GRM8: variants seen among roughly 807,000 people sequenced by gnomAD.
The protein encoded by GRM8 is glutamate metabotropic receptor 8.
Under a neutral mutation model 87.2 loss-of-function variants are expected in GRM8, and 47 were observed. The ratio of observed to expected loss-of-function variants is 0.54; its 90% CI spans 0.43 to 0.69. The LOEUF is 0.69. Among genes scored for constraint, GRM8 ranks in the 30% least tolerant of loss-of-function variants. GRM8 has a pLI of 0.00. For synonymous variants in GRM8, 396 were observed against 404.5 expected, an observed-to-expected ratio of 0.98 and a Z score of 0.25; for missense variants, 1,019 against 1,139.2, an observed-to-expected ratio of 0.89 and a Z score of 1.52.
chr7:126,775,865 C>G (rs1253443302), intron 6 of GRM8, among the ~76,000 whole-genome samples: 1 of 152,032 alleles, frequency 6.6e-6, no homozygotes, highest in Non-Finnish European at 1.5e-5. Flanking sequence ...AATGGGGTTC[C>G]TCATCCCTCC....
In GRM8 at chr7:126,732,160, T is replaced by G. The variant is rs373958259; in HGVS notation, c.1357+37705A>C. 7.2e-5 allele frequency among the ~76,000 whole-genome samples: 11 copies of G among 152,168 alleles called. 1 individual carries two copies. In the East Asian group the frequency reaches 9.6e-4, roughly 13 times the overall value. On this transcript the variant is annotated intron_variant, in intron 7 of 10. Transcript: ENST00000339582. Reference sequence around the variant, plus strand: ...CAGAACAAACATTATCATAATATATTTTTTCACCATATTAAATGTTTAATA... The same window carrying G: ...CAGAACAAACATTATCATAATATATGTTTTCACCATATTAAATGTTTAATA...
intron 9 of GRM8, among the ~76,000 whole-genome samples, chr7:126,473,129 G>A (rs1805491956): frequency 6.6e-6 from 1 of 152,160 alleles, no homozygotes; most frequent in Non-Finnish European, 1.5e-5. Flanking sequence ...GCCTAGTGGA[G>A]CTGTGAGAAG....
chr7:126,448,514 G>T (rs1402073290), intron 9 of GRM8, among the ~76,000 whole-genome samples: 1 of 151,850 alleles, frequency 6.6e-6, no homozygotes, highest in African/African-American at 2.4e-5. Flanking sequence ...ACATGAAGAG[G>T]ACTTTGGAAT....
chr7:127,173,523 TC>T (rs1793935317), intron 2 of GRM8, among the ~76,000 whole-genome samples: 1 of 152,156 alleles, frequency 6.6e-6, no homozygotes, highest in Non-Finnish European at 1.5e-5. Flanking sequence ...TACAGAGCTT[TC>T]TTAAACCTTT....
intron 2 of GRM8, among the ~76,000 whole-genome samples, chr7:127,138,593 T>C (rs893219197): frequency 6.6e-6 from 1 of 152,098 alleles, no homozygotes; most frequent in African/African-American, 2.4e-5. Flanking sequence ...ATCACAACAT[T>C]TCCATTTCAT....
intron 7 of GRM8, among the ~76,000 whole-genome samples, chr7:126,714,278 A>AAAT (rs143180604): frequency 0.06 from 8,264 of 136,956 alleles, 266 homozygotes; most frequent in African/African-American, 0.092. Context: ...ACTCCATCTC[A>AAAT]AATAATAATA....
At chr7:126,637,252 G>C (rs990201860) in intron 7 of GRM8, among the ~76,000 whole-genome samples, 1 of 151,932 alleles carries the variant, frequency 6.6e-6, no homozygotes, top group African/African-American at 2.4e-5. Context: ...GGGTGCGAGG[G>C]AAGGATATGA....
intron 2 of GRM8, among the ~76,000 whole-genome samples, chr7:127,203,154 A>G (rs1338554023): frequency 1.3e-5 from 2 of 152,246 alleles, no homozygotes; most frequent in Non-Finnish European, 2.9e-5. Flanking sequence ...ATAGGTAAAT[A>G]TTATCAAGTA....
At chr7:126,655,665 C>T (rs1050359246) in intron 7 of GRM8, among the ~76,000 whole-genome samples, 4 of 152,168 alleles carry the variant, frequency 2.6e-5, no homozygotes, top group East Asian at 3.9e-4. Flanking sequence ...TATCTCATTA[C>T]AAACATATTA....
At chr7:126,772,622 T>C (rs746658732) in intron 6 of GRM8, among the ~76,000 whole-genome samples, 32 of 152,100 alleles carry the variant, frequency 2.1e-4, no homozygotes, top group Non-Finnish European at 4.0e-4. Flanking sequence ...ATAGATCTAT[T>C]GTTTAGAGAA....
At chr7:126,783,208 A>T (rs1322320242) in intron 6 of GRM8, among the ~76,000 whole-genome samples, 3 of 152,168 alleles carry the variant, frequency 2.0e-5, no homozygotes, top group African/African-American at 7.2e-5. Context: ...TCCCTATGGA[A>T]GACTGGGGCC....
Position 126,577,068 on chromosome 7 carries a change from C to T in GRM8, c.1494+32294G>A, listed in dbSNP as rs116772756. On this transcript the variant is annotated intron_variant, in intron 8 of 10. Coordinates refer to ENST00000339582, the MANE Select transcript of GRM8 (RefSeq NM_000845.3). ...TCAGTGGGAAATTTTATCCATAACT[C>T]ACAGTCCTATTTTTCCAAACTTGGC... Among the ~76,000 whole-genome samples the T allele has an allele frequency of 1.5e-3, 222 of 152,318 alleles. 1 individual carries two copies. Among genetic ancestry groups the T allele is most frequent in the African/African-American group, 5.1e-3 (213 of 41,572 alleles).
chr7:126,800,523 T>C (rs1822546199), intron 6 of GRM8, among the ~76,000 whole-genome samples: 1 of 152,184 alleles, frequency 6.6e-6, no homozygotes, highest in Non-Finnish European at 1.5e-5. Flanking sequence ...TTGGTCTCTC[T>C]TGCTACACGC....
intron 2 of GRM8, among the ~76,000 whole-genome samples, chr7:127,223,888 G>A (rs1170618915): frequency 6.9e-6 from 1 of 144,784 alleles, no homozygotes. Context: ...GAAACTTTGG[G>A]ACTGAAATAT....
intron 8 of GRM8, among the ~76,000 whole-genome samples, chr7:126,581,928 C>T (rs1185472487): frequency 6.6e-6 from 1 of 152,084 alleles, no homozygotes; most frequent in Non-Finnish European, 1.5e-5. Flanking sequence ...CCCTGTTCCC[C>T]CATCTCTATA....
chr7:126,948,325 A>G (rs1563344462), intron 3 of GRM8, among the ~76,000 whole-genome samples: 1 of 151,498 alleles, frequency 6.6e-6, no homozygotes, highest in Non-Finnish European at 1.5e-5. Context: ...GAGGCACACA[A>G]TACATAAGAG....
chr7:126,596,853 T>C (rs1370783808), intron 8 of GRM8, among the ~76,000 whole-genome samples: 2 of 152,138 alleles, frequency 1.3e-5, no homozygotes, highest in African/African-American at 4.8e-5. Flanking sequence ...ATGTTATCAT[T>C]GGAAAAAACT....
intron 6 of GRM8, among the ~76,000 whole-genome samples, chr7:126,823,889 T>C (rs1794519978): frequency 6.6e-6 from 1 of 152,164 alleles, no homozygotes; most frequent in South Asian, 2.1e-4. Context: ...GTCCTAAATT[T>C]GCCTTCTCTC....
intron 2 of GRM8, among the ~76,000 whole-genome samples, chr7:127,194,220 T>C (rs1262433911): frequency 2.0e-5 from 3 of 152,174 alleles, no homozygotes; most frequent in Non-Finnish European, 4.4e-5. Context: ...GGCTTTAGAG[T>C]TGGAGTCCAA....
Sources: gnomAD v4.1 joint callset for allele counts (sites outside exome capture counted in the v4.1 genomes callset) on GRCh38, gnomAD v4.1.1 for gene constraint, MANE v1.5 for transcripts, NCBI Gene and HGNC (gene_info 2026-07-23, HGNC 2026-07-21) for gene names.